Variants in CSMD1 observed in about 807,000 individuals in gnomAD.
CSMD1 encodes CUB and Sushi multiple domains 1.
CSMD1 carries 213 observed loss-of-function variants against 417.5 expected under a neutral mutation model. The ratio of observed to expected loss-of-function variants is 0.51; its 90% CI spans 0.46 to 0.57. The LOEUF is 0.57. CSMD1 is among the 20% of genes least tolerant of loss of function. CSMD1 has a pLI of 0.00. For missense variants in CSMD1, 6,923 were observed against 4,529.7 expected (o/e 1.53, Z -15.17); for synonymous variants, 2,862 against 1,736.8 (o/e 1.65, Z -16.11).
At chr8:3,385,305 T>G (rs1051904464) in intron 18 of CSMD1, among the ~76,000 whole-genome samples, 3 of 147,734 alleles carry the variant, frequency 2.0e-5, no homozygotes, top group Non-Finnish European at 4.5e-5. Context: ...GCCTTTACAT[T>G]TCTTGCTAGA....
intron 21 of CSMD1, among the ~76,000 whole-genome samples, chr8:3,351,899 T>C (rs1808450968): frequency 6.6e-6 from 1 of 152,044 alleles, no homozygotes. Flanking sequence ...AAATTTAAAT[T>C]ATGACTTTTA....
chr8:3,704,162 A>G (rs1801031556), intron 7 of CSMD1, among the ~76,000 whole-genome samples: 2 of 152,296 alleles, frequency 1.3e-5, no homozygotes, highest in Middle Eastern at 3.4e-3. Context: ...CCAGTCAGTT[A>G]GACAGTGAAG....
Position 2,995,004 on chromosome 8 carries a change from G to C in CSMD1, c.8377+3007C>G, listed in dbSNP as rs370923577. Among the ~76,000 whole-genome samples the C allele has an allele frequency of 1.4e-3, 219 of 152,268 alleles. 2 individuals carry two copies. Among genetic ancestry groups the C allele is most frequent in the African/African-American group, 5.0e-3 (209 of 41,562 alleles). ...ACACTTCAAGATCTAGGTCTTGGCA[G>C]AGTTCTTAGACTTGACATCAATACC... On this transcript the variant is annotated intron_variant, in intron 54 of 69. Coordinates refer to ENST00000635120, the MANE Select transcript of CSMD1 (RefSeq NM_033225.6).
intron 40 of CSMD1, among the ~76,000 whole-genome samples, chr8:3,150,136 G>A (rs2129035196): frequency 6.6e-6 from 1 of 152,218 alleles, no homozygotes; most frequent in East Asian, 1.9e-4. Context: ...TTTAGCCCTG[G>A]CAGAATCACT....
intron 1 of CSMD1, among the ~76,000 whole-genome samples, chr8:4,693,203 A>C (rs1033783266): frequency 6.6e-6 from 1 of 152,228 alleles, no homozygotes; most frequent in Admixed American, 6.5e-5. Flanking sequence ...AATGTGAGAC[A>C]CCATGCTCAC....
At chr8:4,557,765 G>T (rs1018335075) in intron 2 of CSMD1, among the ~76,000 whole-genome samples, 1 of 149,868 alleles carries the variant, frequency 6.7e-6, no homozygotes, top group South Asian at 2.1e-4. Flanking sequence ...ACAGCATTAA[G>T]ATGGCACGTA....
At chr8:3,833,518 A>T (rs936644010) in intron 5 of CSMD1, among the ~76,000 whole-genome samples, 9 of 152,144 alleles carry the variant, frequency 5.9e-5, no homozygotes, top group Non-Finnish European at 4.4e-5. Flanking sequence ...CATATTCAGA[A>T]TTTTTTTCAA....
intron 10 of CSMD1, among the ~76,000 whole-genome samples, chr8:3,561,779 G>A (rs189660704): frequency 4.1e-4 from 62 of 151,400 alleles, no homozygotes; most frequent in East Asian, 2.5e-3. Flanking sequence ...AATTTAACAA[G>A]TAAAATTAAA....
At chr8:4,768,974 A>C (rs1298725636) in intron 1 of CSMD1, among the ~76,000 whole-genome samples, 2 of 152,168 alleles carry the variant, frequency 1.3e-5, no homozygotes, top group East Asian at 1.9e-4. Flanking sequence ...ACTTGTGACT[A>C]AACTGTTATT....
chr8:4,352,362 TCA>T (rs1408713703), intron 3 of CSMD1, among the ~76,000 whole-genome samples: 1 of 152,134 alleles, frequency 6.6e-6, no homozygotes, highest in African/African-American at 2.4e-5. Flanking sequence ...CTCAGATAAT[TCA>T]CAAACAGCAA....
At chr8:4,526,298 G>A (rs142639513) in intron 2 of CSMD1, among the ~76,000 whole-genome samples, 1,733 of 152,248 alleles carry the variant, frequency 0.011, 31 homozygotes, top group East Asian at 0.06. Context: ...TACATAATAG[G>A]AAATGTATTA....
chr8:4,266,572 A>G (rs1479611731), intron 3 of CSMD1, among the ~76,000 whole-genome samples: 4 of 105,094 alleles, frequency 3.8e-5, no homozygotes, highest in African/African-American at 1.0e-4. Context: ...ACAATTTTAA[A>G]CAAGTACACC....
chr8:3,339,089 G>C (rs1029384826), intron 23 of CSMD1, among the ~76,000 whole-genome samples: 3 of 149,226 alleles, frequency 2.0e-5, no homozygotes, highest in Admixed American at 6.8e-5. Context: ...TGCGGTGTTT[G>C]GTTGTTTGTT....
chr8:4,306,971 C>G (rs569722996), intron 3 of CSMD1, among the ~76,000 whole-genome samples: 1 of 152,158 alleles, frequency 6.6e-6, no homozygotes, highest in Non-Finnish European at 1.5e-5. Context: ...TCTCTCAGAT[C>G]GACTGTCTTT....
chr8:3,049,711 T>C (rs1242703918), intron 50 of CSMD1, among the ~76,000 whole-genome samples: 1 of 152,164 alleles, frequency 6.6e-6, no homozygotes, highest in East Asian at 1.9e-4. Context: ...TACACATTTG[T>C]CCAAGCCCAC....
intron 1 of CSMD1, among the ~76,000 whole-genome samples, chr8:4,743,829 A>C (rs1810779152): frequency 6.6e-6 from 1 of 152,198 alleles, no homozygotes; most frequent in African/African-American, 2.4e-5. Context: ...TTATCGCAAA[A>C]GCAAGCTTCT....
intron 2 of CSMD1, among the ~76,000 whole-genome samples, chr8:4,483,909 G>A (rs1478979104): frequency 1.3e-5 from 2 of 152,154 alleles, no homozygotes; most frequent in African/African-American, 2.4e-5. Context: ...GCTTATTCAG[G>A]CCAAGCATCA....
intron 3 of CSMD1, among the ~76,000 whole-genome samples, chr8:4,244,427 T>A (rs1478154664): frequency 2.0e-5 from 3 of 152,172 alleles, no homozygotes; most frequent in Non-Finnish European, 4.4e-5. Context: ...AAAGCAGGCC[T>A]GTATATTTTT....
At chr8:4,782,277 G>A (rs967743986) in intron 1 of CSMD1, among the ~76,000 whole-genome samples, 2 of 152,108 alleles carry the variant, frequency 1.3e-5, no homozygotes, top group African/African-American at 4.8e-5. Context: ...AAAAGTAAAA[G>A]ATAAACCTTT....
Sources: allele counts gnomAD v4.1 joint callset (sites outside exome capture counted in the v4.1 genomes callset), GRCh38; gene constraint gnomAD v4.1.1; transcripts MANE v1.5; gene names NCBI Gene and HGNC (gene_info 2026-07-23, HGNC 2026-07-21).